Variants in MLLT3 observed in about 807,000 individuals in gnomAD.
MLLT3 encodes the protein protein AF-9.
MLLT3 carries 4 observed loss-of-function variants against 53.2 expected under a neutral mutation model. The observed-to-expected ratio is 0.08, with a 90% confidence interval of 0.04 to 0.17. MLLT3 has a LOEUF of 0.17. Among genes scored for constraint, MLLT3 ranks in the 10% least tolerant of loss-of-function variants. The pLI is 1.00. For missense variants in MLLT3, 569 were observed against 684.0 expected, an observed-to-expected ratio of 0.83 and a Z score of 1.87; for synonymous variants, 283 against 230.6, an observed-to-expected ratio of 1.23 and a Z score of -2.06.
At chr9:20,455,927 CTTTTTT>C (rs780438955) in intron 3 of MLLT3, among the ~76,000 whole-genome samples, 2 of 116,874 alleles carry the variant, frequency 1.7e-5, no homozygotes, top group African/African-American at 6.6e-5. Flanking sequence ...CTGCTAAAAA[CTTTTTT>C]TTTTTTTTTT....
At chr9:20,367,308 G>A (rs2118657265) in intron 5 of MLLT3, among the ~76,000 whole-genome samples, 1 of 152,256 alleles carries the variant, frequency 6.6e-6, no homozygotes, top group African/African-American at 2.4e-5. Context: ...CTTGTTAGAG[G>A]TACAACAGTA....
Position 20,366,497 on chromosome 9 carries a change from A to G in MLLT3, c.1126-753T>C, listed in dbSNP as rs1054838341. Among the ~76,000 whole-genome samples the G allele has an allele frequency of 1.1e-4, 16 of 152,248 alleles. 1 individual carries two copies. Among genetic ancestry groups the G allele is most frequent in the African/African-American group, 3.4e-4 (14 of 41,466 alleles). ...CTTTGCTATTGTGAATAGTGCCACA[A>G]TAAACATACGTGTGCATGTGTCTTT... On this transcript the variant is annotated intron_variant, in intron 5 of 10. Coordinates refer to ENST00000380338, the MANE Select transcript of MLLT3 (RefSeq NM_004529.4).
At chr9:20,622,024 CGT>C (rs1274060063) in intron 1 of MLLT3, 1 of 880,408 alleles carries the variant, frequency 1.1e-6, no homozygotes, top group Non-Finnish European at 1.3e-6. Context: ...CGAGTGTGAG[CGT>C]GTGTGAGTGT....
At chr9:20,353,708 A>G (rs1821093654) in intron 9 of MLLT3, 112 bp from the exon 10 acceptor site, 1 of 882,838 alleles carries the variant, frequency 1.1e-6, no homozygotes, top group South Asian at 1.4e-5. Context: ...GTTTCTCATT[A>G]CACCACTCTA....
intron 2 of MLLT3, among the ~76,000 whole-genome samples, chr9:20,458,735 A>C (rs776908004): frequency 2.0e-5 from 3 of 152,208 alleles, no homozygotes; most frequent in Non-Finnish European, 4.4e-5. Flanking sequence ...AACTGTGAGA[A>C]ATCCATTTGT....
chr9:20,550,728 T>A (rs1391340751), intron 2 of MLLT3, among the ~76,000 whole-genome samples: 1 of 152,100 alleles, frequency 6.6e-6, no homozygotes, highest in African/African-American at 2.4e-5. Flanking sequence ...ATAAAGCTTG[T>A]TTAATATGTT....
chr9:20,585,026 T>C (rs1396906658), intron 2 of MLLT3, among the ~76,000 whole-genome samples: 1 of 152,248 alleles, frequency 6.6e-6, no homozygotes. Flanking sequence ...GTAAATACTT[T>C]GGAGCATGAT....
intron 4 of MLLT3, among the ~76,000 whole-genome samples, chr9:20,446,300 A>G (rs1404072880): frequency 6.6e-6 from 1 of 152,236 alleles, no homozygotes; most frequent in Non-Finnish European, 1.5e-5. Flanking sequence ...TGCTGGCTTC[A>G]AACAGCACTT....
intron 2 of MLLT3, among the ~76,000 whole-genome samples, chr9:20,575,398 A>C (rs1819628186): frequency 6.6e-6 from 1 of 152,220 alleles, no homozygotes; most frequent in South Asian, 2.1e-4. Context: ...CCAGATGATC[A>C]TTAGCAATTT....
rs1434018131 is a variant in MLLT3 at position 20,342,397 on chromosome 9, G to T, written c.*4046C>A. The T allele has an allele frequency of 3.6e-5, 8 of 223,094 alleles. No individual in the cohort carries two copies. Among genetic ancestry groups the T allele is most frequent in the East Asian group, 2.0e-4 (3 of 15,296 alleles). 13.8% of individuals were successfully genotyped at this position (223,094 alleles called of 1,614,324 possible). ...ACAGTCCATTAAAAAGATACTGACA[G>T]ATTTATAAAATGTATTGGCCTTGCA... On this transcript the variant is annotated 3_prime_UTR_variant, in exon 11 of 11. Transcript: ENST00000380338.
At chr9:20,350,469 C>G (rs1048668179) in intron 10 of MLLT3, among the ~76,000 whole-genome samples, 1 of 150,920 alleles carries the variant, frequency 6.6e-6, no homozygotes, top group Admixed American at 6.6e-5. Flanking sequence ...GTGGCGGGCG[C>G]CTGTAGTCCC....
At chr9:20,482,027 A>G (rs1024422526) in intron 2 of MLLT3, among the ~76,000 whole-genome samples, 3 of 152,236 alleles carry the variant, frequency 2.0e-5, no homozygotes, top group East Asian at 3.8e-4. Flanking sequence ...CTACCTGTCT[A>G]GTTATAGAGA....
chr9:20,386,513 T>G (rs1039889978), intron 5 of MLLT3, among the ~76,000 whole-genome samples: 7 of 152,210 alleles, frequency 4.6e-5, no homozygotes, highest in Admixed American at 1.3e-4. Context: ...CAAGCTTTGT[T>G]TGGAGGCCCA....
Position 20,353,507 on chromosome 9 carries a change from C to CTAA in MLLT3, c.1575+15_1575+17dup. On this transcript the variant is annotated intron_variant, in intron 10 of 10. Coordinates refer to ENST00000380338, the MANE Select transcript of MLLT3 (RefSeq NM_004529.4). ...CTTGAAGTTTCTGGAAAGGGTTGTG[C>CTAA]TAAAAAGCATTTCTCACCTGCTGCA... The CTAA allele has an allele frequency of 6.2e-7, 1 of 1,611,004 alleles. No individual in the cohort carries two copies. Among genetic ancestry groups the CTAA allele is most frequent in the Non-Finnish European group, 8.5e-7 (1 of 1,177,130 alleles).
chr9:20,357,722 T>C (rs1206265450), intron 8 of MLLT3, among the ~76,000 whole-genome samples: 1 of 152,170 alleles, frequency 6.6e-6, no homozygotes, highest in Non-Finnish European at 1.5e-5. Context: ...ACTTCCCCTC[T>C]TCTCTAGTCC....
At chr9:20,494,782 TTTG>T (rs1825040150) in intron 2 of MLLT3, among the ~76,000 whole-genome samples, 1 of 152,112 alleles carries the variant, frequency 6.6e-6, no homozygotes, top group Non-Finnish European at 1.5e-5. Context: ...TGGTCCTGAG[TTTG>T]TTATTTGAAT....
chr9:20,594,488 A>C (rs754110404), intron 2 of MLLT3, among the ~76,000 whole-genome samples: 1 of 152,148 alleles, frequency 6.6e-6, no homozygotes, highest in Non-Finnish European at 1.5e-5. Flanking sequence ...GAGGGGGGCA[A>C]TATGTCAGAG....
At chr9:20,549,600 G>A (rs771685320) in intron 2 of MLLT3, among the ~76,000 whole-genome samples, 51 of 152,166 alleles carry the variant, frequency 3.4e-4, no homozygotes, top group Non-Finnish European at 6.6e-4. Context: ...ATGAACAAAG[G>A]TCACACAGGC....
intron 3 of MLLT3, among the ~76,000 whole-genome samples, chr9:20,454,308 C>T (rs1823908795): frequency 6.6e-6 from 1 of 151,966 alleles, no homozygotes; most frequent in East Asian, 1.9e-4. Context: ...ATACTTGCTG[C>T]CTCTTCATCC....
Sources: allele counts gnomAD v4.1 joint callset (sites outside exome capture counted in the v4.1 genomes callset), GRCh38; gene constraint gnomAD v4.1.1; transcripts MANE v1.5; gene names NCBI Gene and HGNC (gene_info 2026-07-23, HGNC 2026-07-21).